Variants in TANGO6 observed in about 807,000 individuals in gnomAD.
TANGO6 encodes transport and golgi organization 6 homolog, also known as transport and Golgi organization protein 6 homolog.
Under a neutral mutation model 114.2 loss-of-function variants are expected in TANGO6, and 90 were observed. That is an observed-to-expected ratio of 0.79 (90% CI 0.66 to 0.94). The LOEUF (loss-of-function observed/expected upper bound fraction) is 0.94. TANGO6 is among the 40% of genes least tolerant of loss of function. TANGO6 has a pLI of 0.00. For missense variants in TANGO6, 1,274 were observed against 1,315.3 expected (o/e 0.97, Z 0.49); for synonymous variants, 477 against 509.8 (o/e 0.94, Z 0.87).
At chr16:68,901,632 G>C (rs926338234) in intron 8 of TANGO6, among the ~76,000 whole-genome samples, 2 of 152,144 alleles carry the variant, frequency 1.3e-5, no homozygotes, top group Non-Finnish European at 2.9e-5. Flanking sequence ...GGGCTTATAG[G>C]CACCTTCCAC....
At chr16:68,962,244 G>A (rs1309563509) in intron 14 of TANGO6, among the ~76,000 whole-genome samples, 2 of 152,172 alleles carry the variant, frequency 1.3e-5, no homozygotes, top group South Asian at 2.1e-4. Context: ...TCTCACATAC[G>A]TAACAACTGA....
rs2152146936 is a variant in TANGO6 at position 68,843,536 on chromosome 16, C to T, written c.-82C>T. On this transcript the variant is annotated 5_prime_UTR_variant, in exon 1 of 18. Coordinates refer to ENST00000261778, the MANE Select transcript of TANGO6 (RefSeq NM_024562.2). Reference sequence around the variant, plus strand: ...CCCCGCCCCATAGTGTGCCCAGAGCCTTCTGCCACACTTAACATGGCGGCG... The same window carrying T: ...CCCCGCCCCATAGTGTGCCCAGAGCTTTCTGCCACACTTAACATGGCGGCG... 2.2e-6 allele frequency: 3 copies of T among 1,386,948 alleles called. No homozygotes were observed. Among genetic ancestry groups the T allele is most frequent in the South Asian group, 1.2e-5 (1 of 81,652 alleles). The allele number at this position is 1,386,948 out of a possible 1,614,324, so 85.9% of individuals were successfully genotyped here.
intron 16 of TANGO6, among the ~76,000 whole-genome samples, chr16:69,024,941 A>G (rs1437573817): frequency 6.6e-6 from 1 of 152,040 alleles, no homozygotes; most frequent in African/African-American, 2.4e-5. Flanking sequence ...TTGAGTAGCT[A>G]GGATTACAGG....
intron 11 of TANGO6, among the ~76,000 whole-genome samples, chr16:68,911,235 C>T (rs1413840752): frequency 6.7e-6 from 1 of 150,014 alleles, no homozygotes; most frequent in Non-Finnish European, 1.5e-5. Context: ...AACAGGTGCA[C>T]ACCACCGTGC....
chr16:69,046,463 T>C (rs948395542), intron 17 of TANGO6, among the ~76,000 whole-genome samples: 5 of 152,026 alleles, frequency 3.3e-5, no homozygotes, highest in Non-Finnish European at 5.9e-5. Flanking sequence ...GGATTACAGG[T>C]ATGTGCCACC....
chr16:68,982,133 TG>T (rs973264398), intron 15 of TANGO6, among the ~76,000 whole-genome samples: 43 of 152,156 alleles, frequency 2.8e-4, no homozygotes, highest in African/African-American at 1.0e-3. Flanking sequence ...GTAAGGCCCT[TG>T]TTGAAACACC....
At chr16:69,000,499 A>G (rs1296183047) in intron 15 of TANGO6, among the ~76,000 whole-genome samples, 2 of 152,240 alleles carry the variant, frequency 1.3e-5, no homozygotes, top group African/African-American at 2.4e-5. Flanking sequence ...TTTCCAGACA[A>G]GATCCAATAA....
chr16:68,943,702 T>G (rs1188927404), intron 14 of TANGO6, among the ~76,000 whole-genome samples: 1 of 152,146 alleles, frequency 6.6e-6, no homozygotes, highest in African/African-American at 2.4e-5. Flanking sequence ...TAAAGTATTG[T>G]CTTGGTCTCA....
chr16:68,871,033 C>T (rs1162245506), intron 4 of TANGO6, among the ~76,000 whole-genome samples: 1 of 151,522 alleles, frequency 6.6e-6, no homozygotes, highest in Non-Finnish European at 1.5e-5. Flanking sequence ...TCAGGTGATC[C>T]ACCTGCCTCG....
intron 1 of TANGO6, 138 bp downstream of exon 1, chr16:68,843,849 C>T (rs1484493998): frequency 1.0e-5 from 8 of 778,684 alleles, no homozygotes; most frequent in Non-Finnish European, 1.3e-5. Context: ...GGGCTTTGAG[C>T]ATTGTCTATG....
intron 7 of TANGO6, 36 bp from the exon 8 acceptor site, chr16:68,900,398 T>C: frequency 6.3e-7 from 1 of 1,580,342 alleles, no homozygotes. Flanking sequence ...GGCCAGGCAG[T>C]CATGGGATTA....
At chr16:69,059,578 G>T (rs1960085126) in intron 17 of TANGO6, among the ~76,000 whole-genome samples, 1 of 151,740 alleles carries the variant, frequency 6.6e-6, no homozygotes, top group African/African-American at 2.4e-5. Flanking sequence ...GGAGTGTAAT[G>T]GCATAATCTC....
intron 15 of TANGO6, among the ~76,000 whole-genome samples, chr16:69,014,842 G>A (rs1959260794): frequency 1.3e-5 from 2 of 149,890 alleles, no homozygotes; most frequent in African/African-American, 4.9e-5. Context: ...TCTGCAGTGA[G>A]TTATGATTGC....
chr16:69,040,265 C>A, intron 16 of TANGO6, 43 bp from the exon 17 acceptor site: 1 of 1,507,916 alleles, frequency 6.6e-7, no homozygotes, highest in Non-Finnish European at 9.1e-7. Flanking sequence ...GGTAATTGTG[C>A]AACTCTGATT....
chr16:68,907,426 T>A lies in TANGO6; in HGVS notation c.1668-17T>A. 3 of 1,563,222 alleles carry A rather than the reference T, an allele frequency of 1.9e-6. No homozygotes were observed. Among genetic ancestry groups the A allele is most frequent in the Admixed American group, 2.1e-5 (1 of 47,250 alleles). On this transcript the variant is annotated splice_polypyrimidine_tract_variant and intron_variant, in intron 9 of 17. Coordinates refer to ENST00000261778, the MANE Select transcript of TANGO6 (RefSeq NM_024562.2). ...CTCTGGTGACACTACCAAGATAAAT[T>A]TTACCCTGCATTGCAGTGATGAAGA...
At chr16:69,011,849 G>C (rs1394386324) in intron 15 of TANGO6, among the ~76,000 whole-genome samples, 2 of 152,196 alleles carry the variant, frequency 1.3e-5, no homozygotes, top group Non-Finnish European at 2.9e-5. Context: ...CTAGACTTCA[G>C]AGTACCATTG....
At chr16:68,980,749 A>G (rs1056330899) in intron 15 of TANGO6, among the ~76,000 whole-genome samples, 5 of 152,246 alleles carry the variant, frequency 3.3e-5, no homozygotes, top group East Asian at 3.9e-4. Context: ...GGCTCACCTC[A>G]GCACTTTGGG....
intron 17 of TANGO6, among the ~76,000 whole-genome samples, chr16:69,078,698 G>A (rs1056286583): frequency 5.3e-5 from 8 of 152,046 alleles, no homozygotes; most frequent in African/African-American, 9.7e-5. Context: ...AAGTCTTTGC[G>A]TAGAGTTGAC....
intron 15 of TANGO6, among the ~76,000 whole-genome samples, chr16:69,019,333 G>A (rs1959361928): frequency 6.6e-6 from 1 of 152,218 alleles, no homozygotes; most frequent in South Asian, 2.1e-4. Context: ...AATAGGTTAT[G>A]TCTAGGTCAT....
Sources: gnomAD v4.1 joint callset for allele counts (sites outside exome capture counted in the v4.1 genomes callset) on GRCh38, gnomAD v4.1.1 for gene constraint, MANE v1.5 for transcripts, NCBI Gene and HGNC (gene_info 2026-07-23, HGNC 2026-07-21) for gene names.